The following MUC7 variants were observed in gnomAD, a reference collection of about 807,000 sequenced individuals.
MUC7 encodes mucin 7, secreted, also known as mucin-7.
In MUC7, 2 loss-of-function variants were observed where a neutral mutation model predicts 2.5. The ratio of observed to expected loss-of-function variants is 0.81; its 90% CI spans 0.33 to 2.55. The LOEUF (loss-of-function observed/expected upper bound fraction) is 2.55. MUC7 is among the 30% of genes most tolerant of loss of function. MUC7 has a pLI of 0.11. For missense variants in MUC7, 408 were observed against 455.6 expected, an observed-to-expected ratio of 0.90 and a Z score of 0.95; for synonymous variants, 133 against 173.4, an observed-to-expected ratio of 0.77 and a Z score of 1.83.
At chr4:70,470,506 A>AT (rs1456605099), upstream of MUC7, among the ~76,000 whole-genome samples, 1 of 152,182 alleles carries the variant, frequency 6.6e-6, no homozygotes, top group Non-Finnish European at 1.5e-5. Flanking sequence ...ATATTCTTAT[A>AT]TTTTTCCAAT....
intron 1 of MUC7, among the ~76,000 whole-genome samples, chr4:70,443,595 G>A (rs142058541): frequency 7.7e-4 from 117 of 152,142 alleles, no homozygotes; most frequent in Middle Eastern, 3.4e-3. Flanking sequence ...CACTTTGTGC[G>A]GTTAAAACTT....
chr4:70,479,671 G>C (rs1393615447), intron 2 of MUC7, among the ~76,000 whole-genome samples: 1 of 152,202 alleles, frequency 6.6e-6, no homozygotes, highest in Non-Finnish European at 1.5e-5. Context: ...TATGTTTACA[G>C]ATAAGAAACT....
At chr4:70,475,832 A>G (rs1010464544) in intron 2 of MUC7, among the ~76,000 whole-genome samples, 1 of 152,168 alleles carries the variant, frequency 6.6e-6, no homozygotes, top group Non-Finnish European at 1.5e-5. Flanking sequence ...AGAGAGAGAG[A>G]GGGCAGAAGA....
chr4:70,443,648 A>G (rs936468035), intron 1 of MUC7, among the ~76,000 whole-genome samples: 1 of 152,176 alleles, frequency 6.6e-6, no homozygotes, highest in South Asian at 2.1e-4. Context: ...ACAAACAAAA[A>G]TCTGTCTTCC....
chr4:70,448,736 GTTGA>G (rs1247332594), intron 1 of MUC7, among the ~76,000 whole-genome samples: 1 of 152,144 alleles, frequency 6.6e-6, no homozygotes, highest in Admixed American at 6.5e-5. Flanking sequence ...TCATCACTTT[GTTGA>G]TTGTTTTCTT....
chr4:70,459,530 T>C (rs1230152281), intron 1 of MUC7, among the ~76,000 whole-genome samples: 1 of 152,084 alleles, frequency 6.6e-6, no homozygotes, highest in Non-Finnish European at 1.5e-5. Flanking sequence ...TGTATACATA[T>C]GTAACTAACC....
intron 1 of MUC7, among the ~76,000 whole-genome samples, chr4:70,448,293 G>A (rs549741100): frequency 6.6e-6 from 1 of 152,220 alleles, no homozygotes; most frequent in East Asian, 1.9e-4. Flanking sequence ...TTTCTTTTGG[G>A]TATACACCTA....
upstream of MUC7, chr4:70,471,929 T>G (rs1014017755): frequency 3.9e-5 from 6 of 152,178 alleles, no homozygotes; most frequent in African/African-American, 1.4e-4. Context: ...GGGCCATGGT[T>G]GTTTGTTTCT....
chr4:70,454,908 C>A (rs1263782739), intron 1 of MUC7, among the ~76,000 whole-genome samples: 1 of 151,944 alleles, frequency 6.6e-6, no homozygotes, highest in East Asian at 1.9e-4. Context: ...CTTATGAGGC[C>A]CCTAAATTGT....
chr4:70,481,917 T>C lies in MUC7; in HGVS notation c.*39T>C, dbSNP rs1242409691. The C allele has an allele frequency of 6.3e-7, 1 of 1,587,260 alleles. No homozygotes were observed. Among genetic ancestry groups the C allele is most frequent in the African/African-American group, 1.3e-5 (1 of 74,230 alleles). ...GTAAAGTGTTCTGTCATTTACAAGATGTGATTCATGAGTGCAGAACTACCA... is the reference window on the plus strand; with the variant it reads ...GTAAAGTGTTCTGTCATTTACAAGACGTGATTCATGAGTGCAGAACTACCA... On this transcript the variant is annotated 3_prime_UTR_variant, in exon 3 of 3. Transcript: ENST00000304887.
At chr4:70,460,136 T>A (rs963167356) in intron 1 of MUC7, among the ~76,000 whole-genome samples, 1 of 152,044 alleles carries the variant, frequency 6.6e-6, no homozygotes, top group African/African-American at 2.4e-5. Flanking sequence ...TTCGCTGCTT[T>A]AGAAGACAAT....
chr4:70,442,253 A>T (rs1197370934), intron 1 of MUC7, among the ~76,000 whole-genome samples: 1 of 152,182 alleles, frequency 6.6e-6, no homozygotes, highest in Non-Finnish European at 1.5e-5. Flanking sequence ...CATTTCTCCT[A>T]ATGATAAAGT....
intron 1 of MUC7, 130 bp from the exon 2 acceptor site, chr4:70,473,877 A>G (rs1286584705): frequency 1.6e-6 from 1 of 626,874 alleles, no homozygotes; most frequent in African/African-American, 1.8e-5. Flanking sequence ...ATGAAAATGT[A>G]TACATAATTT....
chr4:70,442,016 A>C (rs1253707992), intron 1 of MUC7, among the ~76,000 whole-genome samples: 4 of 152,244 alleles, frequency 2.6e-5, no homozygotes, highest in Non-Finnish European at 5.9e-5. Flanking sequence ...GACCTTGAAC[A>C]AAACCAAGTC....
intron 2 of MUC7, among the ~76,000 whole-genome samples, chr4:70,478,704 A>C (rs1382139507): frequency 6.6e-6 from 1 of 152,184 alleles, no homozygotes; most frequent in Non-Finnish European, 1.5e-5. Context: ...GAGGCCCTCA[A>C]TCCTGCTTCA....
intron 1 of MUC7, among the ~76,000 whole-genome samples, chr4:70,432,263 A>G (rs1280330160): frequency 6.6e-6 from 1 of 152,236 alleles, no homozygotes; most frequent in African/African-American, 2.4e-5. Context: ...GTATATATCC[A>G]GTAGTGGGAT....
intron 1 of MUC7, among the ~76,000 whole-genome samples, chr4:70,441,450 G>A (rs986377623): frequency 1.3e-5 from 2 of 152,092 alleles, no homozygotes; most frequent in African/African-American, 2.4e-5. Flanking sequence ...CTTTAAAATA[G>A]TGTATCAGCA....
intron 2 of MUC7, 90 bp downstream of exon 2, chr4:70,474,165 AC>A (rs1734925191): frequency 9.7e-7 from 1 of 1,032,132 alleles, no homozygotes; most frequent in Non-Finnish European, 1.5e-6. Flanking sequence ...ATAATAGGCA[AC>A]CCCTATTTCC....
intron 1 of MUC7, among the ~76,000 whole-genome samples, chr4:70,463,501 G>A (rs1470196320): frequency 6.6e-6 from 1 of 152,138 alleles, no homozygotes; most frequent in Non-Finnish European, 1.5e-5. Context: ...GTGTAGAAGT[G>A]AAAGTATAGT....
Sources: gnomAD v4.1 joint callset for allele counts (sites outside exome capture counted in the v4.1 genomes callset) on GRCh38, gnomAD v4.1.1 for gene constraint, MANE v1.5 for transcripts, NCBI Gene and HGNC (gene_info 2026-07-23, HGNC 2026-07-21) for gene names.